METTL24: variants seen among roughly 807,000 people sequenced by gnomAD.
The protein encoded by METTL24 is methyltransferase like 24.
METTL24 carries 29 observed loss-of-function variants against 32.7 expected under a neutral mutation model. The ratio of observed to expected loss-of-function variants is 0.89; its 90% CI spans 0.66 to 1.21. The LOEUF is 1.21. Ranked by LOEUF, METTL24 falls within the 50% of genes most tolerant of loss-of-function variation. METTL24 has a pLI of 0.00. For synonymous variants in METTL24, 163 were observed against 179.5 expected (o/e 0.91, Z 0.73); for missense variants, 439 against 468.1 (o/e 0.94, Z 0.57).
intron 3 of METTL24, among the ~76,000 whole-genome samples, chr6:110,310,618 C>T (rs1360642879): frequency 6.6e-6 from 1 of 152,208 alleles, no homozygotes; most frequent in Non-Finnish European, 1.5e-5. Context: ...GTCTAGTCTA[C>T]CTCATTTCAA....
intron 1 of METTL24, among the ~76,000 whole-genome samples, chr6:110,339,964 T>A (rs1772319403): frequency 6.6e-6 from 1 of 152,194 alleles, no homozygotes; most frequent in South Asian, 2.1e-4. Flanking sequence ...AGATGACCCA[T>A]AACTTCCTTT....
Position 110,287,518 on chromosome 6 carries a change from A to C in METTL24, c.786+11404T>G, listed in dbSNP as rs556237155. Among the ~76,000 whole-genome samples, 312 of 152,314 alleles carry C rather than the reference A, an allele frequency of 2.0e-3. 2 individuals carry two copies. The highest frequency in any genetic ancestry group is 7.2e-3 in the African/African-American group (300 of 41,570). On this transcript the variant is annotated intron_variant, in intron 4 of 4. Transcript: ENST00000338882. Reference sequence around the variant, plus strand: ...GAAAAAGGAATTTAAACAAATTTAGATAGAAATTGCCCTGGGACCTGAAAG... The same window carrying C: ...GAAAAAGGAATTTAAACAAATTTAGCTAGAAATTGCCCTGGGACCTGAAAG...
At chr6:110,290,516 T>C (rs1771299505) in intron 4 of METTL24, among the ~76,000 whole-genome samples, 1 of 152,230 alleles carries the variant, frequency 6.6e-6, no homozygotes. Context: ...ACAAAGCTTA[T>C]TCCTTTTCAT....
chr6:110,246,135 A>G lies in METTL24; in HGVS notation c.912T>C (p.Phe304=). The change falls in exon 5 of 5, where the codon TTT becomes TTC. Residue 304 remains phenylalanine (F), a synonymous_variant. Coordinates refer to ENST00000338882, the MANE Select transcript of METTL24 (RefSeq NM_001123364.3). ...IFEIHLHWPG[F]EVSGSDSSVV... is the part of the protein sequence containing the mutation. Reference sequence around the variant, plus strand: ...CGCTGCTGTCACTGCCACTGACCTCAAACCCAGGCCAGTGGAGATGGATCT... The same window carrying G: ...CGCTGCTGTCACTGCCACTGACCTCGAACCCAGGCCAGTGGAGATGGATCT... 1 of 1,614,192 alleles carries G rather than the reference A, an allele frequency of 6.2e-7. No individual in the cohort carries two copies.
chr6:110,348,201 C>T (rs1728245067), intron 1 of METTL24, among the ~76,000 whole-genome samples: 1 of 152,176 alleles, frequency 6.6e-6, no homozygotes, highest in Non-Finnish European at 1.5e-5. Flanking sequence ...TCACGACAAC[C>T]CTGTGAGTTA....
chr6:110,353,428 C>A (rs1772648344), intron 1 of METTL24, among the ~76,000 whole-genome samples: 1 of 152,090 alleles, frequency 6.6e-6, no homozygotes, highest in African/African-American at 2.4e-5. Flanking sequence ...CATCCCATAC[C>A]ATTTTTCCTC....
chr6:110,319,932 C>A (rs752347061), intron 2 of METTL24, among the ~76,000 whole-genome samples: 1 of 152,170 alleles, frequency 6.6e-6, no homozygotes, highest in African/African-American at 2.4e-5. Context: ...GCCTAGGAAG[C>A]TTTCCCCATC....
rs141436968 is a variant in METTL24, at chr6:110,327,954, C to T, written c.319-5082G>A. On this transcript the variant is annotated intron_variant, in intron 1 of 4. Transcript: ENST00000338882. ...TCCCAGGAGGTGGGAACGTGGATTC[C>T]CAATCCTGCCTGCCACCTGTACTTC... is the stretch of plus-strand genomic sequence containing the variant. Among the ~76,000 whole-genome samples the T allele has an allele frequency of 1.8e-3, 267 of 152,292 alleles. 2 individuals are homozygous for T. The highest frequency in any genetic ancestry group is 6.1e-3 in the African/African-American group (255 of 41,552).
At chr6:110,298,275 C>T (rs963366615) in intron 4 of METTL24, among the ~76,000 whole-genome samples, 2 of 152,182 alleles carry the variant, frequency 1.3e-5, no homozygotes, top group South Asian at 2.1e-4. Flanking sequence ...ACAGTTAGCT[C>T]GGGTATACTA....
At chr6:110,249,436 G>T (rs1778232685) in intron 4 of METTL24, among the ~76,000 whole-genome samples, 1 of 151,736 alleles carries the variant, frequency 6.6e-6, no homozygotes, top group African/African-American at 2.4e-5. Context: ...GCAGCCCAGG[G>T]GGAGCACAGA....
Position 110,246,100 on chromosome 6 carries a change from A to C in METTL24, c.947T>G (p.Phe316Cys), listed in dbSNP as rs1287857220. 1 of 1,614,218 alleles carries C rather than the reference A, an allele frequency of 6.2e-7. No individual in the cohort carries two copies. Among genetic ancestry groups the C allele is most frequent in the Non-Finnish European group, 8.5e-7 (1 of 1,180,044 alleles). The stretch of plus-strand genomic sequence containing the variant: ...TAACTCTTTGAGAAGGCTGTACCAG[A>C]ACCGCACAACGCTGCTGTCACTGCC... ...VSGSDSSVVRFWYSLLKELEQ... is the reference protein window; with the variant it reads ...VSGSDSSVVRCWYSLLKELEQ... Residue 316 changes from phenylalanine (F) to cysteine (C), a missense_variant, in exon 5 of 5, where the codon TTC becomes TGC. Phe to Cys is a radical substitution (Grantham distance 205, BLOSUM62 -2). Transcript: ENST00000338882.
chr6:110,353,575 G>T (rs1772652017), intron 1 of METTL24, among the ~76,000 whole-genome samples: 1 of 130,736 alleles, frequency 7.6e-6, no homozygotes, highest in Non-Finnish European at 1.6e-5. Flanking sequence ...TTTTCCGCCT[G>T]ACACATGGTT....
intron 1 of METTL24, among the ~76,000 whole-genome samples, chr6:110,329,243 CA>C (rs1772070574): frequency 6.6e-6 from 1 of 152,192 alleles, no homozygotes; most frequent in Admixed American, 6.5e-5. Flanking sequence ...GGCTAACCAT[CA>C]ATTCTGTGCA....
chr6:110,260,948 C>A (rs1365836447), intron 4 of METTL24, among the ~76,000 whole-genome samples: 1 of 152,092 alleles, frequency 6.6e-6, no homozygotes, highest in African/African-American at 2.4e-5. Context: ...GCCTGCCCTA[C>A]AAGAGCTCCT....
intron 4 of METTL24, among the ~76,000 whole-genome samples, chr6:110,272,320 AG>A (rs1240503244): frequency 2.6e-5 from 4 of 152,236 alleles, no homozygotes; most frequent in Admixed American, 2.0e-4. Context: ...TTTATGGCTG[AG>A]TAGTATTCCA....
At chr6:110,319,270 A>ATGTGTG (rs58600122) in intron 2 of METTL24, among the ~76,000 whole-genome samples, 1 of 148,588 alleles carries the variant, frequency 6.7e-6, no homozygotes, top group East Asian at 2.0e-4. Context: ...CTGTGTGTGT[A>ATGTGTG]TGTGTGTGTG....
chr6:110,352,278 C>A (rs1772620743), intron 1 of METTL24, among the ~76,000 whole-genome samples: 1 of 152,190 alleles, frequency 6.6e-6, no homozygotes, highest in Non-Finnish European at 1.5e-5. Context: ...ATTTTAACAA[C>A]CTCTGTCTTA....
chr6:110,282,925 G>A (rs17071380), intron 4 of METTL24, among the ~76,000 whole-genome samples: 19,712 of 151,918 alleles, frequency 0.13, 2,933 homozygotes, highest in African/African-American at 0.36. Flanking sequence ...TCTGATAAAC[G>A]GATTCTTTTT....
At chr6:110,299,849 A>T (rs1388085405) in intron 3 of METTL24, among the ~76,000 whole-genome samples, 1 of 152,160 alleles carries the variant, frequency 6.6e-6, no homozygotes, top group Non-Finnish European at 1.5e-5. Context: ...TCCCTATTTA[A>T]TGGTGCAAGG....
Sources: allele counts gnomAD v4.1 joint callset (sites outside exome capture counted in the v4.1 genomes callset), GRCh38; gene constraint gnomAD v4.1.1; transcripts MANE v1.5; gene names NCBI Gene and HGNC (gene_info 2026-07-23, HGNC 2026-07-21).